Variants in RANBP2 observed in about 807,000 individuals in gnomAD.
RANBP2 encodes the protein E3 SUMO-protein ligase RanBP2.
In RANBP2, 57 loss-of-function variants were observed where a neutral mutation model predicts 303.6. The observed-to-expected ratio is 0.19, with a 90% CI of 0.15 to 0.23. RANBP2 has a LOEUF of 0.23. Among genes scored for constraint, RANBP2 ranks in the 10% least tolerant of loss-of-function variants. The probability of loss-of-function intolerance (pLI) is 1.00; values close to 1 mark genes in which losing one functional copy is unlikely to be tolerated. For synonymous variants in RANBP2, 1,167 were observed against 1,301.5 expected (o/e 0.90, Z 2.23); for missense variants, 3,138 against 3,780.8 (o/e 0.83, Z 4.46).
the RANBP2 span, among the ~76,000 whole-genome samples, chr2:109,265,098 C>T: frequency 1.3e-5 from 2 of 152,114 alleles, no homozygotes; most frequent in Non-Finnish European, 2.9e-5. Flanking sequence ...TTAGACTTTG[C>T]CCACTTGAGG....
chr2:108,778,315 C>G (rs535950617), intron 25 of RANBP2, among the ~76,000 whole-genome samples: 1 of 152,326 alleles, frequency 6.6e-6, no homozygotes, highest in South Asian at 2.1e-4. Flanking sequence ...ATTCACCAAG[C>G]TCTTGTGTAT....
At chr2:108,857,049 C>A in the RANBP2 span, 5 of 326,416 alleles carry the variant, frequency 1.5e-5, no homozygotes, top group East Asian at 8.1e-5. Flanking sequence ...TATAACTCCA[C>A]ATATCAGATA....
intron 24 of RANBP2, among the ~76,000 whole-genome samples, chr2:108,776,559 T>A (rs1362272415): frequency 6.6e-6 from 1 of 152,036 alleles, no homozygotes; most frequent in Non-Finnish European, 1.5e-5. Context: ...CATTTGAGAG[T>A]CTTAATGTGC....
At chr2:108,815,598 T>TG in the RANBP2 span, among the ~76,000 whole-genome samples, 2 of 151,268 alleles carry the variant, frequency 1.3e-5, no homozygotes, top group Non-Finnish European at 2.9e-5. Flanking sequence ...TCCGAGTAGC[T>TG]GGGATTACAG....
the RANBP2 span, among the ~76,000 whole-genome samples, chr2:109,632,254 C>T: frequency 1.3e-5 from 2 of 152,126 alleles, no homozygotes; most frequent in Non-Finnish European, 2.9e-5. Context: ...ATTGCACTTT[C>T]CTGAGTCTGC....
At chr2:108,973,038 C>A in the RANBP2 span, among the ~76,000 whole-genome samples, 2 of 151,974 alleles carry the variant, frequency 1.3e-5, no homozygotes, top group East Asian at 3.9e-4. Flanking sequence ...CCAGGCTAGA[C>A]TGCAGTGGCG....
chr2:108,851,916 C>T, the RANBP2 span, among the ~76,000 whole-genome samples: 1 of 152,264 alleles, frequency 6.6e-6, no homozygotes, highest in Admixed American at 6.5e-5. Context: ...ATGAGGTTTA[C>T]AAAGGTAGAT....
the RANBP2 span, among the ~76,000 whole-genome samples, chr2:109,239,620 C>T: frequency 1.3e-5 from 2 of 152,050 alleles, no homozygotes; most frequent in Non-Finnish European, 2.9e-5. Flanking sequence ...CGTGATCATC[C>T]AGGATAACAG....
the RANBP2 span, among the ~76,000 whole-genome samples, chr2:109,136,003 A>C: frequency 1.3e-5 from 2 of 152,210 alleles, no homozygotes; most frequent in Non-Finnish European, 2.9e-5. Context: ...CGTAGGACAC[A>C]ATAGCTTGTC....
the RANBP2 span, among the ~76,000 whole-genome samples, chr2:108,812,359 A>G: frequency 6.6e-6 from 1 of 152,200 alleles, no homozygotes; most frequent in Admixed American, 6.5e-5. Flanking sequence ...ACTTATTAAT[A>G]AAAACATTTT....
chr2:108,721,742 G>A (rs1443343591), intron 1 of RANBP2, among the ~76,000 whole-genome samples: 2 of 151,828 alleles, frequency 1.3e-5, no homozygotes, highest in Admixed American at 6.6e-5. Flanking sequence ...CCACTGCACC[G>A]GCCATTATTT....
At chr2:109,482,778 A>G in the RANBP2 span, among the ~76,000 whole-genome samples, 1 of 152,214 alleles carries the variant, frequency 6.6e-6, no homozygotes, top group Non-Finnish European at 1.5e-5. Context: ...TTCACCACTG[A>G]TAACAGCAAG....
chr2:109,053,070 C>A, the RANBP2 span, among the ~76,000 whole-genome samples: 1 of 152,196 alleles, frequency 6.6e-6, no homozygotes, highest in African/African-American at 2.4e-5. Context: ...CAGGGTGAGG[C>A]CTTTCTCTGG....
Position 108,766,118 on chromosome 2 carries a change from A to G in RANBP2, c.5579A>G (p.Lys1860Arg). 1 of 1,613,992 alleles carries G rather than the reference A, an allele frequency of 6.2e-7. No homozygotes were observed. The highest frequency in any genetic ancestry group is 2.2e-5 in the East Asian group (1 of 44,884). ...SKFGNTEQGF[K>R]FGHVDQENSP... is the part of the protein sequence containing the mutation. The stretch of plus-strand genomic sequence containing the variant: ...TTTGGCAATACAGAGCAAGGATTCA[A>G]ATTTGGGCATGTGGATCAAGAAAAT... The change falls in exon 20 of 29, where the codon AAA becomes AGA. Residue 1860 changes from lysine to arginine, a missense_variant. Physicochemically the swap from Lys to Arg is conservative, Grantham distance 26. Coordinates refer to ENST00000283195, the MANE Select transcript of RANBP2 (RefSeq NM_006267.5).
the RANBP2 span, among the ~76,000 whole-genome samples, chr2:109,730,164 T>C: frequency 6.6e-6 from 1 of 152,096 alleles, no homozygotes. Flanking sequence ...GATTGTGAGG[T>C]TGACACCTAA....
the RANBP2 span, among the ~76,000 whole-genome samples, chr2:109,147,511 C>G: frequency 6.6e-6 from 1 of 152,160 alleles, no homozygotes; most frequent in African/African-American, 2.4e-5. Context: ...GAAGCCCACA[C>G]TTGAAGGAAT....
chr2:109,699,130 C>T, the RANBP2 span, among the ~76,000 whole-genome samples: 2 of 152,190 alleles, frequency 1.3e-5, no homozygotes, highest in African/African-American at 2.4e-5. Flanking sequence ...TGGGTTCTGG[C>T]AGTCTTGTCA....
chr2:109,549,955 T>C, the RANBP2 span, among the ~76,000 whole-genome samples: 1 of 152,200 alleles, frequency 6.6e-6, no homozygotes, highest in Non-Finnish European at 1.5e-5. Context: ...AAAGGGGGAC[T>C]ACTGTACAAT....
the RANBP2 span, among the ~76,000 whole-genome samples, chr2:109,075,047 A>AAAG: frequency 1.6e-5 from 2 of 121,680 alleles, no homozygotes; most frequent in Admixed American, 7.8e-5. Context: ...AAAAAAAAAA[A>AAAG]AAGAAGAAGA....
Sources: allele counts gnomAD v4.1 joint callset (sites outside exome capture counted in the v4.1 genomes callset), GRCh38; gene constraint gnomAD v4.1.1; transcripts MANE v1.5; gene names NCBI Gene and HGNC (gene_info 2026-07-23, HGNC 2026-07-21).